KLF13: variants seen among roughly 807,000 people sequenced by gnomAD.
KLF13 encodes Krueppel-like factor 13.
A neutral mutation model predicts 16.7 loss-of-function variants in KLF13; 8 were observed. That is an observed-to-expected ratio of 0.48 (90% CI 0.28 to 0.87). The LOEUF is 0.87. KLF13 is among the 40% of genes least tolerant of loss of function. KLF13 has a pLI of 0.10. For synonymous variants in KLF13, 245 were observed against 208.4 expected, an observed-to-expected ratio of 1.18 and a Z score of -1.51; for missense variants, 447 against 452.2, an observed-to-expected ratio of 0.99 and a Z score of 0.10.
upstream of KLF13, among the ~76,000 whole-genome samples, chr15:31,392,404 G>C (rs546383075): frequency 1.3e-5 from 2 of 152,180 alleles, no homozygotes; most frequent in Non-Finnish European, 2.9e-5. Context: ...ACGGGGCGGC[G>C]GTGCTGAGCC....
At chr15:31,410,472 A>T (rs146331814) in intron 1 of KLF13, among the ~76,000 whole-genome samples, 1 of 152,286 alleles carries the variant, frequency 6.6e-6, no homozygotes, top group African/African-American at 2.4e-5. Context: ...ATAAAAAGGC[A>T]ATCCAAATTG....
intron 1 of KLF13, among the ~76,000 whole-genome samples, chr15:31,413,187 C>CAAAAAAAAAAAAAAAAA (rs1161762538): frequency 2.1e-4 from 13 of 63,266 alleles, no homozygotes; most frequent in East Asian, 4.9e-4. Context: ...AATGAATAGA[C>CAAAAAAAAAAAAAAAAA]AAAAAAAAAA....
chr15:31,403,261 A>G (rs1038496565), intron 2 of KLF13, among the ~76,000 whole-genome samples: 3 of 152,232 alleles, frequency 2.0e-5, no homozygotes, highest in Admixed American at 2.0e-4. Flanking sequence ...GTCAAAGGCT[A>G]CAGTGAAACT....
At chr15:31,368,715 G>A (rs186629751) in intron 1 of KLF13, among the ~76,000 whole-genome samples, 60 of 152,248 alleles carry the variant, frequency 3.9e-4, no homozygotes, top group Non-Finnish European at 7.9e-4. Flanking sequence ...CTAGCCGAGC[G>A]TGGGTAGGCG....
chr15:31,346,220 C>G (rs2039113791), intron 1 of KLF13, among the ~76,000 whole-genome samples: 1 of 152,198 alleles, frequency 6.6e-6, no homozygotes, highest in African/African-American at 2.4e-5. Context: ...GAAAGCACCT[C>G]TTCGTTTTTC....
rs553734922 is a variant in KLF13 at position 31,329,439 on chromosome 15, G to A, written c.577+1650G>A. Among the ~76,000 whole-genome samples the A allele has an allele frequency of 2.0e-3, 305 of 152,228 alleles. 3 individuals carry two copies. The highest frequency in any genetic ancestry group is 7.0e-3 in the African/African-American group (289 of 41,526). On this transcript the variant is annotated intron_variant, in intron 1 of 1. Coordinates refer to ENST00000307145, the MANE Select transcript of KLF13 (RefSeq NM_015995.4). ...GAAATTTTTCTACGGCCTCTGTCAG[G>A]GTGGCCTGCCACTCGGCAGCACCGG...
chr15:31,422,722 T>C lies in KLF13; in HGVS notation n.118-12648T>C, dbSNP rs115153458. The stretch of plus-strand genomic sequence containing the variant: ...CAAAAACTGTCACAAGAGACAAAAA[T>C]GAACATATAACAATAAAAGAATCAA... On this transcript the variant is annotated intron_variant and non_coding_transcript_variant, in intron 1 of 1. Transcript: ENST00000558225. Among the ~76,000 whole-genome samples the C allele has an allele frequency of 6.7e-3, 1,019 of 152,012 alleles. 11 individuals are homozygous for C. Among genetic ancestry groups the C allele is most frequent in the African/African-American group, 0.023 (955 of 41,458 alleles).
chr15:31,372,360 G>A lies in KLF13; in HGVS notation c.*61G>A. The A allele has an allele frequency of 1.4e-6, 2 of 1,382,882 alleles. No individual in the cohort carries two copies. The highest frequency in any genetic ancestry group is 1.9e-6 in the Non-Finnish European group (2 of 1,066,910). 85.7% of individuals were successfully genotyped at this position (1,382,882 alleles called of 1,614,324 possible). A position where few individuals can be genotyped will look rare whatever the true frequency, so the allele number is the denominator to read the frequency against. On this transcript the variant is annotated 3_prime_UTR_variant, in exon 2 of 2. Coordinates refer to ENST00000307145, the MANE Select transcript of KLF13 (RefSeq NM_015995.4). ...TCGTGAGTCCCTGGCCTTTCCTTTTGTAATAAGAAAGAAGAGAGAGAACTT... is the reference window on the plus strand; with the variant it reads ...TCGTGAGTCCCTGGCCTTTCCTTTTATAATAAGAAAGAAGAGAGAGAACTT...
Position 31,421,373 on chromosome 15 carries a change from T to C in KLF13, n.118-13997T>C, listed in dbSNP as rs191579422. 2.7e-3 allele frequency among the ~76,000 whole-genome samples: 414 copies of C among 152,334 alleles called. 4 individuals are homozygous for C. The highest frequency in any genetic ancestry group is 9.3e-3 in the African/African-American group (388 of 41,578). On this transcript the variant is annotated intron_variant and non_coding_transcript_variant, in intron 1 of 1. Transcript: ENST00000558225. Reference sequence around the variant, plus strand: ...GTATATGGAAAAGTACAGAATTGTATAATATTCTAATGGTGGTACATAAAT... The same window carrying C: ...GTATATGGAAAAGTACAGAATTGTACAATATTCTAATGGTGGTACATAAAT...
chr15:31,423,132 CGTATACGTATACGT>C lies in KLF13; in HGVS notation n.118-12237_118-12224del, dbSNP rs2040356148. On this transcript the variant is annotated intron_variant and non_coding_transcript_variant, in intron 1 of 1. Coordinates refer to the KLF13 transcript ENST00000558225. Reference sequence around the variant, plus strand: ...GTATACGTATATATACGTATATATACGTATACGTATACGTATATATACGTATATATATGTATATA... The same window carrying C: ...GTATACGTATATATACGTATATATACATATATACGTATATATATGTATATA... Among the ~76,000 whole-genome samples, 3 of 50,832 alleles carry C rather than the reference CGTATACGTATACGT, an allele frequency of 5.9e-5. 1 individual carries two copies. Among genetic ancestry groups the C allele is most frequent in the Admixed American group, 3.9e-4 (2 of 5,174 alleles). The allele number at this position is 50,832 out of a possible 152,430, so 33.3% of individuals were successfully genotyped here.
At chr15:31,388,592 C>T (rs1488723174), upstream of KLF13, among the ~76,000 whole-genome samples, 3 of 137,494 alleles carry the variant, frequency 2.2e-5, no homozygotes, top group African/African-American at 5.6e-5. Context: ...GTGACAAGAG[C>T]GAAACTCTGT....
intron 1 of KLF13, among the ~76,000 whole-genome samples, chr15:31,346,478 G>C (rs1233354104): frequency 6.6e-6 from 1 of 152,170 alleles, no homozygotes; most frequent in Non-Finnish European, 1.5e-5. Context: ...GCTGTGGAAA[G>C]CCCCCAGGCC....
chr15:31,371,848 T>G (rs920497567), intron 1 of KLF13, among the ~76,000 whole-genome samples, 162 bp from the exon 2 acceptor site: 58 of 152,222 alleles, frequency 3.8e-4, no homozygotes, highest in African/African-American at 1.4e-3. Flanking sequence ...GGGGCCCACC[T>G]TCATCTCTGC....
At chr15:31,423,521 A>C (rs2040369380) in intron 1 of KLF13, among the ~76,000 whole-genome samples, 1 of 151,866 alleles carries the variant, frequency 6.6e-6, no homozygotes. Context: ...AATCCCAGCT[A>C]CTCAGGAGGC....
chr15:31,418,705 T>TG (rs1429410653), intron 1 of KLF13, among the ~76,000 whole-genome samples: 3 of 151,856 alleles, frequency 2.0e-5, no homozygotes, highest in East Asian at 3.9e-4. Context: ...AGAAAATTTT[T>TG]TCTACAAAAA....
At chr15:31,358,803 C>T (rs2039339127) in intron 1 of KLF13, among the ~76,000 whole-genome samples, 1 of 152,182 alleles carries the variant, frequency 6.6e-6, no homozygotes, top group South Asian at 2.1e-4. Flanking sequence ...TATCACCAGC[C>T]ATCAGGGCTG....
chr15:31,375,495 T>C lies in KLF13; in HGVS notation c.*3196T>C, dbSNP rs1489292259. 2.0e-5 allele frequency: 3 copies of C among 151,610 alleles called. No homozygotes were observed. Among genetic ancestry groups the C allele is most frequent in the Non-Finnish European group, 4.4e-5 (3 of 68,018 alleles). 9.4% of individuals were successfully genotyped at this position (151,610 alleles called of 1,614,324 possible). A position where few individuals can be genotyped will look rare whatever the true frequency, so the allele number is the denominator to read the frequency against. On this transcript the variant is annotated 3_prime_UTR_variant, in exon 2 of 2. Transcript: ENST00000307145. The stretch of plus-strand genomic sequence containing the variant: ...AATAGTGAAAACTCAAACCCTTATT[T>C]TGGGACTTCAGTTCTCGTGGTCCAT...
chr15:31,400,921 C>T (rs576039259), intron 2 of KLF13, among the ~76,000 whole-genome samples: 4 of 152,190 alleles, frequency 2.6e-5, no homozygotes, highest in East Asian at 3.9e-4. Context: ...CACCTGGAAG[C>T]GTCGCATCGC....
chr15:31,330,122 C>G (rs1772834750), intron 1 of KLF13, among the ~76,000 whole-genome samples: 1 of 152,156 alleles, frequency 6.6e-6, no homozygotes, highest in Non-Finnish European at 1.5e-5. Context: ...AGAAGAGGAG[C>G]TTGCTGTTGG....
Sources: allele counts gnomAD v4.1 joint callset (sites outside exome capture counted in the v4.1 genomes callset), GRCh38; gene constraint gnomAD v4.1.1; transcripts MANE v1.5; gene names NCBI Gene and HGNC (gene_info 2026-07-23, HGNC 2026-07-21).